The following DLG2 variants were observed in gnomAD, a reference collection of about 807,000 sequenced individuals.
The protein encoded by DLG2 is disks large homolog 2.
DLG2 carries 45 observed loss-of-function variants against 132.5 expected under a neutral mutation model. The ratio of observed to expected loss-of-function variants is 0.34; its 90% CI spans 0.27 to 0.44. The LOEUF is 0.44. DLG2 is among the 20% of genes least tolerant of loss of function. DLG2 has a pLI of 1.00. For synonymous variants in DLG2, 424 were observed against 419.6 expected, an observed-to-expected ratio of 1.01 and a Z score of -0.13; for missense variants, 1,045 against 1,196.9, an observed-to-expected ratio of 0.87 and a Z score of 1.87.
intron 18 of DLG2, among the ~76,000 whole-genome samples, chr11:83,775,573 C>A (rs879092531): frequency 6.6e-6 from 1 of 152,140 alleles, no homozygotes; most frequent in Admixed American, 6.6e-5. Flanking sequence ...TTCATACATG[C>A]GAGTTTTAAT....
intron 9 of DLG2, among the ~76,000 whole-genome samples, chr11:84,123,374 A>AAAAGCCAAGTC (rs1284826514): frequency 2.0e-5 from 3 of 152,204 alleles, no homozygotes; most frequent in Non-Finnish European, 4.4e-5. Flanking sequence ...TTTATAATGC[A>AAAAGCCAAGTC]AAAGCCAAGT....
intron 6 of DLG2, among the ~76,000 whole-genome samples, chr11:84,635,481 T>G (rs1029083453): frequency 6.6e-6 from 1 of 152,190 alleles, no homozygotes; most frequent in African/African-American, 2.4e-5. Flanking sequence ...TTCCTTGTAA[T>G]AAATACCTAA....
At chr11:84,274,216 A>G (rs540838460) in intron 7 of DLG2, among the ~76,000 whole-genome samples, 23 of 152,350 alleles carry the variant, frequency 1.5e-4, no homozygotes, top group African/African-American at 5.5e-4. Context: ...AGGCTCCACC[A>G]GTCCCTAATG....
intron 7 of DLG2, among the ~76,000 whole-genome samples, chr11:84,441,758 A>G (rs1194236842): frequency 1.3e-5 from 2 of 152,198 alleles, no homozygotes; most frequent in African/African-American, 2.4e-5. Flanking sequence ...AAAGAGCCCT[A>G]TATAGCTGGG....
At chr11:83,943,133 CCT>C (rs754652111) in intron 14 of DLG2, among the ~76,000 whole-genome samples, 4 of 152,194 alleles carry the variant, frequency 2.6e-5, no homozygotes, top group Non-Finnish European at 4.4e-5. Context: ...GTCCATTAAA[CCT>C]CTTTCTTTTG....
At chr11:84,491,674 G>A (rs760500638) in intron 7 of DLG2, among the ~76,000 whole-genome samples, 2 of 152,152 alleles carry the variant, frequency 1.3e-5, no homozygotes, top group Non-Finnish European at 2.9e-5. Context: ...GTCAAAGCAA[G>A]TGGCAGTTCT....
intron 6 of DLG2, among the ~76,000 whole-genome samples, chr11:84,736,245 C>T (rs2063812770): frequency 6.6e-6 from 1 of 151,716 alleles, no homozygotes; most frequent in Non-Finnish European, 1.5e-5. Context: ...GCCATCTTTC[C>T]ACCAATACTA....
intron 6 of DLG2, among the ~76,000 whole-genome samples, chr11:84,682,130 G>A (rs554672937): frequency 1.1e-3 from 162 of 152,142 alleles, no homozygotes; most frequent in African/African-American, 3.8e-3. Flanking sequence ...ATTCAGGAGT[G>A]ATCTACCTCC....
intron 17 of DLG2, among the ~76,000 whole-genome samples, chr11:83,798,875 G>A (rs1305479610): frequency 1.3e-5 from 2 of 152,196 alleles, no homozygotes; most frequent in African/African-American, 4.8e-5. Context: ...GCAACGAAGT[G>A]AAAATGTAAG....
intron 4 of DLG2, among the ~76,000 whole-genome samples, chr11:85,220,172 C>A (rs1332265559): frequency 6.6e-6 from 1 of 151,918 alleles, no homozygotes; most frequent in African/African-American, 2.4e-5. Flanking sequence ...TAAAACTCTG[C>A]ACATGATATC....
At chr11:84,905,693 G>A (rs2091422609) in intron 6 of DLG2, among the ~76,000 whole-genome samples, 1 of 152,108 alleles carries the variant, frequency 6.6e-6, no homozygotes, top group African/African-American at 2.4e-5. Flanking sequence ...AGCATGGGCT[G>A]ACTTCTATAA....
At chr11:84,400,520 C>T (rs1176991346) in intron 7 of DLG2, among the ~76,000 whole-genome samples, 1 of 152,184 alleles carries the variant, frequency 6.6e-6, no homozygotes, top group Non-Finnish European at 1.5e-5. Flanking sequence ...GTCTCTCCAA[C>T]ACGTCTTCTT....
chr11:84,445,884 C>T lies in DLG2; in HGVS notation c.519+88686G>A, dbSNP rs146521721. On this transcript the variant is annotated intron_variant, in intron 7 of 27. Coordinates refer to ENST00000376104, the MANE Select transcript of DLG2 (RefSeq NM_001142699.3). Reference sequence around the variant, plus strand: ...TGAGCCGAGATGGTGTCACTGCACTCCAGGCTGGGCGACAGAGTGAGACTT... The same window carrying T: ...TGAGCCGAGATGGTGTCACTGCACTTCAGGCTGGGCGACAGAGTGAGACTT... 1.0e-4 allele frequency among the ~76,000 whole-genome samples: 15 copies of T among 143,166 alleles called. No homozygotes were observed. The South Asian group carries it at 2.0e-3, about 19-fold the overall frequency. 93.9% of individuals were successfully genotyped at this position (143,166 alleles called of 152,430 possible). A position where few individuals can be genotyped will look rare whatever the true frequency, so the allele number is the denominator to read the frequency against.
intron 3 of DLG2, among the ~76,000 whole-genome samples, chr11:85,398,868 T>A (rs904814190): frequency 1.3e-5 from 2 of 152,170 alleles, no homozygotes; most frequent in African/African-American, 4.8e-5. Context: ...CTGCTACCAT[T>A]GCTTCTGAAA....
chr11:83,766,134 C>T (rs981029071), intron 18 of DLG2, among the ~76,000 whole-genome samples: 19 of 150,236 alleles, frequency 1.3e-4, no homozygotes, highest in African/African-American at 3.2e-4. Flanking sequence ...CACTCTGTCA[C>T]CCAGGCTGGA....
intron 7 of DLG2, among the ~76,000 whole-genome samples, chr11:84,260,950 C>T (rs568260376): frequency 3.9e-5 from 6 of 152,296 alleles, no homozygotes; most frequent in Admixed American, 1.3e-4. Context: ...AGTCAATGTG[C>T]CCCATGCCAT....
intron 18 of DLG2, among the ~76,000 whole-genome samples, 179 bp from the exon 19 acceptor site, chr11:83,633,504 A>C (rs1366968132): frequency 6.6e-6 from 1 of 152,132 alleles, no homozygotes; most frequent in Non-Finnish European, 1.5e-5. Flanking sequence ...ATAAGAGGAA[A>C]ATGATAAATC....
At chr11:83,806,517 T>C (rs759441366) in intron 17 of DLG2, among the ~76,000 whole-genome samples, 4 of 152,214 alleles carry the variant, frequency 2.6e-5, no homozygotes, top group Non-Finnish European at 5.9e-5. Flanking sequence ...GTCATTGTTT[T>C]AAAGAATGAT....
At chr11:84,982,601 T>G (rs1315594872) in intron 6 of DLG2, among the ~76,000 whole-genome samples, 1 of 152,196 alleles carries the variant, frequency 6.6e-6, no homozygotes, top group Non-Finnish European at 1.5e-5. Flanking sequence ...GCCTTGTTGT[T>G]AGATCTGTTA....
Sources: gnomAD v4.1 joint callset for allele counts (sites outside exome capture counted in the v4.1 genomes callset) on GRCh38, gnomAD v4.1.1 for gene constraint, MANE v1.5 for transcripts, NCBI Gene and HGNC (gene_info 2026-07-23, HGNC 2026-07-21) for gene names.